The following SCN8A variants were observed in gnomAD, a reference collection of about 807,000 sequenced individuals.
SCN8A encodes sodium channel protein type 8 subunit alpha.
SCN8A carries 30 observed loss-of-function variants against 184.1 expected under a neutral mutation model. The ratio of observed to expected loss-of-function variants is 0.16; its 90% CI spans 0.12 to 0.22. The LOEUF is 0.22. Ranked by LOEUF, SCN8A falls within the 10% of genes least tolerant of loss-of-function variation. The pLI is 1.00. For synonymous variants in SCN8A, 852 were observed against 907.0 expected (o/e 0.94, Z 1.09); for missense variants, 1,057 against 2,498.9 (o/e 0.42, Z 12.30).
At chr12:51,687,585 CA>C (rs1287968796) in intron 5 of SCN8A, among the ~76,000 whole-genome samples, 2 of 152,140 alleles carry the variant, frequency 1.3e-5, no homozygotes, top group Non-Finnish European at 2.9e-5. Flanking sequence ...TGTAAACTTT[CA>C]GCTGAAAATT....
At chr12:51,640,618 G>C (rs1214519298) in intron 1 of SCN8A, among the ~76,000 whole-genome samples, 1 of 152,144 alleles carries the variant, frequency 6.6e-6, no homozygotes, top group Non-Finnish European at 1.5e-5. Context: ...ACACAGCAGA[G>C]AACGTCTATT....
chr12:51,664,972 A>C (rs146168354), intron 2 of SCN8A, among the ~76,000 whole-genome samples: 106 of 152,242 alleles, frequency 7.0e-4, no homozygotes, highest in Non-Finnish European at 1.2e-3. Context: ...TATAAGTAAG[A>C]ATGTGTGGTG....
At chr12:51,605,760 T>G (rs1157070141) in intron 1 of SCN8A, among the ~76,000 whole-genome samples, 1 of 152,206 alleles carries the variant, frequency 6.6e-6, no homozygotes, top group Admixed American at 6.5e-5. Flanking sequence ...ACATCTACTG[T>G]TTTTTGATTA....
chr12:51,591,704 C>T (rs1939222680), intron 1 of SCN8A, among the ~76,000 whole-genome samples: 1 of 152,152 alleles, frequency 6.6e-6, no homozygotes, highest in African/African-American at 2.4e-5. Context: ...ATCCCTCCCT[C>T]AGTGCCGGGC....
Position 51,810,032 on chromosome 12 carries a change from A to G in SCN8A, c.*2603A>G, listed in dbSNP as rs768639154. ...GTCTTGAGATGGGCAACAGAGCTGT[A>G]AGATCCCGCCAAGTACACCATGTGC... On this transcript the variant is annotated 3_prime_UTR_variant, in exon 27 of 27. Transcript: ENST00000627620. 3 of 153,776 alleles carry G rather than the reference A, an allele frequency of 2.0e-5. No homozygotes were observed. The highest frequency in any genetic ancestry group is 4.4e-5 in the Non-Finnish European group (3 of 68,682). The allele number at this position is 153,776 out of a possible 1,614,324, so 9.5% of individuals were successfully genotyped here. A position where few individuals can be genotyped will look rare whatever the true frequency, so the allele number is the denominator to read the frequency against.
chr12:51,765,269 T>TA (rs1942820924), intron 15 of SCN8A, among the ~76,000 whole-genome samples: 1 of 152,186 alleles, frequency 6.6e-6, no homozygotes, highest in South Asian at 2.1e-4. Context: ...GATTTTTTTT[T>TA]AAACTGTCCT....
At chr12:51,667,982 G>A (rs989091576) in intron 2 of SCN8A, among the ~76,000 whole-genome samples, 5 of 152,094 alleles carry the variant, frequency 3.3e-5, no homozygotes, top group Middle Eastern at 6.8e-3. Flanking sequence ...TCGGGAGTTT[G>A]AGACCAGCCT....
chr12:51,780,529 G>T (rs1339269786), intron 20 of SCN8A, 120 bp from the exon 21 acceptor site: 3 of 676,038 alleles, frequency 4.4e-6, no homozygotes, highest in Non-Finnish European at 6.2e-6. Flanking sequence ...AGTGCTAGGG[G>T]CTTTATTCTA....
In SCN8A at chr12:51,780,504, C is replaced by CCAAT. The variant is rs1265243737; in HGVS notation, c.3820-143_3820-140dup. 4 of 572,046 alleles carry CCAAT rather than the reference C, an allele frequency of 7.0e-6. No homozygotes were observed. The African/African-American group carries it at 8.2e-5, about 12-fold the overall frequency. The allele number at this position is 572,046 out of a possible 1,614,324, so 35.4% of individuals were successfully genotyped here. ...TACCCACTTCCTCTACCTGGGGGGCCCAATCTGTGTCTGCAGTGCTAGGGG... is the reference window on the plus strand; with the variant it reads ...TACCCACTTCCTCTACCTGGGGGGCCCAATCAATCTGTGTCTGCAGTGCTAGGGG... On this transcript the variant is annotated intron_variant, in intron 20 of 26. Transcript: ENST00000627620.
intron 16 of SCN8A, among the ~76,000 whole-genome samples, chr12:51,767,764 G>A (rs758784389): frequency 5.3e-5 from 8 of 152,172 alleles, no homozygotes; most frequent in Non-Finnish European, 1.0e-4. Context: ...TGGGATTTCT[G>A]TAGCCTAATC....
At chr12:51,734,371 T>C (rs1329127841) in intron 12 of SCN8A, among the ~76,000 whole-genome samples, 1 of 152,194 alleles carries the variant, frequency 6.6e-6, no homozygotes, top group Non-Finnish European at 1.5e-5. Context: ...AAACCAGTCA[T>C]TAGCATTACT....
At chr12:51,774,039 A>G in intron 19 of SCN8A, 150 bp from the exon 20 acceptor site, 1 of 543,736 alleles carries the variant, frequency 1.8e-6, no homozygotes, top group Non-Finnish European at 3.2e-6. Context: ...TTAAAACATA[A>G]AAAGCCTGTG....
chr12:51,616,762 A>T (rs917576792), intron 1 of SCN8A, among the ~76,000 whole-genome samples: 3 of 151,634 alleles, frequency 2.0e-5, no homozygotes, highest in African/African-American at 7.3e-5. Flanking sequence ...TCTACAAATA[A>T]TAAAAAATTA....
intron 26 of SCN8A, among the ~76,000 whole-genome samples, chr12:51,805,880 G>A (rs1349703275): frequency 6.6e-6 from 1 of 151,812 alleles, no homozygotes; most frequent in Admixed American, 6.6e-5. Context: ...CAAGGCTGGA[G>A]TGCAGTGGCA....
intron 1 of SCN8A, among the ~76,000 whole-genome samples, chr12:51,647,417 T>C (rs1183353808): frequency 8.5e-5 from 13 of 152,108 alleles, no homozygotes; most frequent in African/African-American, 2.9e-4. Context: ...GGCAAATAGC[T>C]CAGCTTTGGG....
In SCN8A at chr12:51,600,815, A is replaced by G. The variant is rs558610408; in HGVS notation, c.-55+9456A>G. Among the ~76,000 whole-genome samples, 5 of 152,376 alleles carry G rather than the reference A, an allele frequency of 3.3e-5. No individual in the cohort carries two copies. The South Asian group carries it at 1.0e-3, about 32-fold the overall frequency. ...AAATTTAATGCAATTTTTAAATCTC[A>G]TTTAATTTGTTAAAATTATATTTCT... is the stretch of plus-strand genomic sequence containing the variant. On this transcript the variant is annotated intron_variant, in intron 1 of 26. Transcript: ENST00000627620.
chr12:51,637,582 G>C (rs1047938892), intron 1 of SCN8A, among the ~76,000 whole-genome samples: 50 of 152,146 alleles, frequency 3.3e-4, no homozygotes, highest in African/African-American at 1.1e-3. Context: ...TTAAGCCAAC[G>C]CCCAATCCAG....
intron 20 of SCN8A, among the ~76,000 whole-genome samples, chr12:51,776,579 T>C (rs1289113898): frequency 6.6e-6 from 1 of 152,270 alleles, no homozygotes; most frequent in Non-Finnish European, 1.5e-5. Context: ...CCATAGCAAC[T>C]ATGTCCTGAC....
intron 19 of SCN8A, among the ~76,000 whole-genome samples, chr12:51,772,677 C>A (rs866659913): frequency 3.3e-5 from 5 of 151,900 alleles, no homozygotes; most frequent in Non-Finnish European, 5.9e-5. Context: ...CTGTCCCCCC[C>A]ACTGCCTGTT....
Sources: allele counts gnomAD v4.1 joint callset (sites outside exome capture counted in the v4.1 genomes callset), GRCh38; gene constraint gnomAD v4.1.1; transcripts MANE v1.5; gene names NCBI Gene and HGNC (gene_info 2026-07-23, HGNC 2026-07-21).